The following LHFPL3 variants were observed in gnomAD, a reference collection of about 807,000 sequenced individuals.
LHFPL3 encodes LHFPL tetraspan subfamily member 3, also known as LHFPL tetraspan subfamily member 3 protein.
LHFPL3 carries 5 observed loss-of-function variants against 19.3 expected under a neutral mutation model. The ratio of observed to expected loss-of-function variants is 0.26; its 90% CI spans 0.14 to 0.54. The LOEUF (loss-of-function observed/expected upper bound fraction) is 0.54, where lower values mean the gene tolerates loss of function less well. Among genes scored for constraint, LHFPL3 ranks in the 20% least tolerant of loss-of-function variants. The pLI is 0.94. For missense variants in LHFPL3, 249 were observed against 307.4 expected (o/e 0.81, Z 1.42); for synonymous variants, 133 against 126.2 (o/e 1.05, Z -0.36).
chr7:104,884,021 G>A (rs1011867873), intron 2 of LHFPL3, among the ~76,000 whole-genome samples: 1 of 152,198 alleles, frequency 6.6e-6, no homozygotes, highest in African/African-American at 2.4e-5. Flanking sequence ...AAGGCTTCTG[G>A]GTCTAGCCCT....
chr7:104,870,821 C>T (rs975100869), intron 2 of LHFPL3, among the ~76,000 whole-genome samples: 2 of 152,050 alleles, frequency 1.3e-5, no homozygotes, highest in African/African-American at 4.8e-5. Context: ...ACGCAGCCAC[C>T]CCAAAATCTG....
At chr7:104,788,900 T>C (rs1789971219) in intron 2 of LHFPL3, among the ~76,000 whole-genome samples, 1 of 152,202 alleles carries the variant, frequency 6.6e-6, no homozygotes, top group African/African-American at 2.4e-5. Context: ...AGGCAAAATA[T>C]ATAGCAGAAG....
At chr7:104,833,025 GATATATTATATAT>G (rs367576140) in intron 2 of LHFPL3, among the ~76,000 whole-genome samples, 524 of 17,226 alleles carry the variant, frequency 0.03, 105 homozygotes, top group Non-Finnish European at 0.04. Context: ...ATATATAATA[GATATATTATATAT>G]ATATATTATA....
chr7:104,351,364 A>T (rs1790171191), intron 1 of LHFPL3, among the ~76,000 whole-genome samples: 1 of 152,146 alleles, frequency 6.6e-6, no homozygotes, highest in South Asian at 2.1e-4. Flanking sequence ...GATAAAATAC[A>T]CATTTTTTAG....
At chr7:104,662,014 A>T (rs1227086324) in intron 1 of LHFPL3, among the ~76,000 whole-genome samples, 1 of 151,682 alleles carries the variant, frequency 6.6e-6, no homozygotes, top group Non-Finnish European at 1.5e-5. Flanking sequence ...TACGGCATGG[A>T]TCAGCTGGAC....
intron 2 of LHFPL3, among the ~76,000 whole-genome samples, chr7:104,851,450 A>G (rs1425088868): frequency 6.6e-6 from 1 of 152,138 alleles, no homozygotes; most frequent in African/African-American, 2.4e-5. Context: ...TGCTTTCCCA[A>G]TAGGACTCAA....
intron 2 of LHFPL3, among the ~76,000 whole-genome samples, chr7:104,795,008 G>T (rs1200069466): frequency 1.3e-5 from 2 of 152,194 alleles, no homozygotes; most frequent in African/African-American, 4.8e-5. Flanking sequence ...CTGGATAACA[G>T]ATCCACAGAG....
intron 1 of LHFPL3, among the ~76,000 whole-genome samples, chr7:104,516,149 A>G (rs1793916303): frequency 6.6e-6 from 1 of 152,100 alleles, no homozygotes; most frequent in Non-Finnish European, 1.5e-5. Context: ...ACTTACAATC[A>G]TGGCAGAAGG....
In LHFPL3 at chr7:104,370,214, T is replaced by C. The variant is rs558332443; in HGVS notation, c.445+40990T>C. ...CCCCTGAGGAGAGGCTGCTGCCAGC[T>C]GGTGCTGGTGTCTCTGAGGAGGTGC... On this transcript the variant is annotated intron_variant, in intron 1 of 2. Coordinates refer to ENST00000424859, the MANE Select transcript of LHFPL3 (RefSeq NM_199000.3). Among the ~76,000 whole-genome samples, 8 of 152,312 alleles carry C rather than the reference T, an allele frequency of 5.3e-5. No individual in the cohort carries two copies. In the East Asian group the frequency reaches 1.5e-3, roughly 29 times the overall value.
At chr7:104,710,112 G>T (rs1793273148) in intron 1 of LHFPL3, among the ~76,000 whole-genome samples, 1 of 152,264 alleles carries the variant, frequency 6.6e-6, no homozygotes, top group African/African-American at 2.4e-5. Context: ...CTCGAGGTCA[G>T]GAGCTGGAGA....
intron 2 of LHFPL3, among the ~76,000 whole-genome samples, chr7:104,756,610 G>A (rs1358084954): frequency 5.3e-5 from 8 of 152,006 alleles, no homozygotes; most frequent in Admixed American, 6.5e-5. Flanking sequence ...AGTGATTCTC[G>A]TACCTCAGCC....
At chr7:104,368,737 T>C (rs1025751642) in intron 1 of LHFPL3, among the ~76,000 whole-genome samples, 1 of 148,112 alleles carries the variant, frequency 6.8e-6, no homozygotes, top group African/African-American at 2.5e-5. Context: ...TTTTGTGGTT[T>C]CCATGTGGAT....
chr7:104,369,640 C>T lies in LHFPL3; in HGVS notation c.445+40416C>T, dbSNP rs76989852. ...TGGAGTGGGTGTACAATTTTACATTCTCATGAGCAATGTCACAGAGTTCGT... is the reference window on the plus strand; with the variant it reads ...TGGAGTGGGTGTACAATTTTACATTTTCATGAGCAATGTCACAGAGTTCGT... On this transcript the variant is annotated intron_variant, in intron 1 of 2. Transcript: ENST00000424859. Among the ~76,000 whole-genome samples, 324 of 152,354 alleles carry T rather than the reference C, an allele frequency of 2.1e-3. 5 individuals carry two copies. In the East Asian group the frequency reaches 0.034, roughly 16 times the overall value.
At chr7:104,392,220 A>G (rs1328330643) in intron 1 of LHFPL3, among the ~76,000 whole-genome samples, 1 of 151,660 alleles carries the variant, frequency 6.6e-6, no homozygotes, top group East Asian at 1.9e-4. Context: ...TTCCAACACT[A>G]TGTTGAATAG....
At chr7:104,331,331 G>A (rs557186232) in intron 1 of LHFPL3, among the ~76,000 whole-genome samples, 19 of 152,246 alleles carry the variant, frequency 1.2e-4, no homozygotes, top group African/African-American at 4.3e-4. Context: ...AAAGATGTAA[G>A]GACATTTACT....
intron 1 of LHFPL3, among the ~76,000 whole-genome samples, chr7:104,613,517 A>C (rs1288102856): frequency 1.3e-5 from 2 of 152,312 alleles, no homozygotes; most frequent in Admixed American, 6.5e-5. Flanking sequence ...AAGAAGGCTA[A>C]AACTGGCTAA....
intron 1 of LHFPL3, among the ~76,000 whole-genome samples, chr7:104,384,463 C>T (rs981353889): frequency 2.0e-5 from 3 of 151,972 alleles, no homozygotes; most frequent in South Asian, 2.1e-4. Flanking sequence ...TGCTATGAGG[C>T]GCTTGTATGA....
At chr7:104,829,670 T>C (rs960194371) in intron 2 of LHFPL3, among the ~76,000 whole-genome samples, 2 of 151,930 alleles carry the variant, frequency 1.3e-5, no homozygotes, top group Non-Finnish European at 2.9e-5. Context: ...TCATCATTTT[T>C]TATGGCTGCA....
At chr7:104,662,437 G>A (rs1792242632) in intron 1 of LHFPL3, among the ~76,000 whole-genome samples, 1 of 152,144 alleles carries the variant, frequency 6.6e-6, no homozygotes, top group Non-Finnish European at 1.5e-5. Flanking sequence ...TTTCCATTTT[G>A]CAGATGAAGA....
Sources: gnomAD v4.1 joint callset for allele counts (sites outside exome capture counted in the v4.1 genomes callset) on GRCh38, gnomAD v4.1.1 for gene constraint, MANE v1.5 for transcripts, NCBI Gene and HGNC (gene_info 2026-07-23, HGNC 2026-07-21) for gene names.